DLEC1: variants seen among roughly 807,000 people sequenced by gnomAD.
DLEC1 encodes deleted in lung and esophageal cancer protein 1.
DLEC1 carries 146 observed loss-of-function variants against 198.1 expected under a neutral mutation model. The observed-to-expected ratio is 0.74, with a 90% CI of 0.64 to 0.85. DLEC1 has a LOEUF of 0.85. DLEC1 is among the 40% of genes least tolerant of loss of function. The pLI is 0.00. For missense variants in DLEC1, 2,233 were observed against 2,220.0 expected (o/e 1.01, Z -0.12); for synonymous variants, 897 against 866.8 (o/e 1.03, Z -0.61).
At chr3:38,057,670 G>A (rs968718567) in intron 2 of DLEC1, among the ~76,000 whole-genome samples, 2 of 152,138 alleles carry the variant, frequency 1.3e-5, no homozygotes, top group Non-Finnish European at 2.9e-5. Flanking sequence ...AAATATAAAC[G>A]TGCATGGGGA....
intron 6 of DLEC1, among the ~76,000 whole-genome samples, chr3:38,076,926 A>T: frequency 6.6e-6 from 1 of 152,136 alleles, no homozygotes; most frequent in Non-Finnish European, 1.5e-5. Flanking sequence ...ATTCTGTGGT[A>T]AGGGGTGATA....
chr3:38,100,446 G>A (rs1699248738), intron 19 of DLEC1, 21 bp downstream of exon 19: 1 of 1,600,644 alleles, frequency 6.2e-7, no homozygotes, highest in Admixed American at 1.8e-5. Context: ...CGTGGGAAGA[G>A]CCACTACAAC....
chr3:38,112,468 A>C lies in DLEC1; in HGVS notation c.3666+107A>C. On this transcript the variant is annotated intron_variant, in intron 25 of 36. Coordinates refer to ENST00000308059, the MANE Select transcript of DLEC1 (RefSeq NM_007335.4). This position sits in a 1 kb window ranked among gnomAD's most constrained non-coding sequence, Gnocchi z 4.8. ...CCTGGCCCTCAGACTCTCAAACCTC[A>C]CCAGGTTGAAACGCGATGCCCACCG... The C allele has an allele frequency of 1.1e-4, 167 of 1,508,420 alleles. No homozygotes were observed. Among genetic ancestry groups the C allele is most frequent in the Non-Finnish European group, 1.4e-4 (158 of 1,106,964 alleles). 93.4% of individuals were successfully genotyped at this position (1,508,420 alleles called of 1,614,324 possible). A position where few individuals can be genotyped will look rare whatever the true frequency, so the allele number is the denominator to read the frequency against.
chr3:38,097,046 G>A, intron 15 of DLEC1, 136 bp from the exon 16 acceptor site: 1 of 913,672 alleles, frequency 1.1e-6, no homozygotes, highest in Non-Finnish European at 1.7e-6. Flanking sequence ...GAGGCCCATG[G>A]CTTTGGGTGG....
chr3:38,122,176 A>G lies in DLEC1; in HGVS notation c.5126A>G (p.Gln1709Arg). The G allele has an allele frequency of 1.9e-6, 3 of 1,614,082 alleles. No individual in the cohort carries two copies. Among genetic ancestry groups the G allele is most frequent in the Non-Finnish European group, 2.5e-6 (3 of 1,179,974 alleles). The change falls in exon 36 of 37, where the codon CAG (glutamine) becomes CGG (arginine). Residue 1709 changes from glutamine (Q) to arginine (R), a missense_variant. By Grantham distance (43) the Gln-to-Arg change is conservative. Transcript: ENST00000308059. ...ANAPPTSIAL[Q>R]VFFTARSSEL... ...GCACCCCCAACCTCCATCGCCTTGC[A>G]GGTTTTCTTCACTGCCAGGTGCAGC...
chr3:38,084,395 A>AGTGGTGGTGGTG (rs1698262022), intron 7 of DLEC1, 150 bp downstream of exon 7: 1 of 648,786 alleles, frequency 1.5e-6, no homozygotes. Flanking sequence ...TAGTGGTAGT[A>AGTGGTGGTGGTG]GTAGTAGTGG....
chr3:38,114,512 C>T (rs750804337), intron 26 of DLEC1, 52 bp downstream of exon 26: 1 of 1,580,480 alleles, frequency 6.3e-7, no homozygotes, highest in East Asian at 2.2e-5. Context: ...CTGAAACCCT[C>T]CGGCCTCCGG....
chr3:38,114,834 G>C (rs2073712), intron 26 of DLEC1, 149 bp from the exon 27 acceptor site: 1 of 694,534 alleles, frequency 1.4e-6, no homozygotes, highest in Admixed American at 2.9e-5. Flanking sequence ...GCCTGGGGAA[G>C]GCACCAGCCC....
chr3:38,094,407 G>A (rs1179518597), intron 12 of DLEC1, among the ~76,000 whole-genome samples: 3 of 152,156 alleles, frequency 2.0e-5, no homozygotes, highest in Non-Finnish European at 4.4e-5. Flanking sequence ...CCTGTTGGCA[G>A]CCAGTAGGCA....
chr3:38,119,572 C>CTG (rs1332905657), intron 33 of DLEC1, among the ~76,000 whole-genome samples: 1 of 151,602 alleles, frequency 6.6e-6, no homozygotes, highest in South Asian at 2.1e-4. Context: ...TTGGGTCTTG[C>CTG]TGTGTCACCT....
intron 3 of DLEC1, 65 bp downstream of exon 3, chr3:38,059,917 G>A: frequency 7.5e-7 from 1 of 1,327,674 alleles, no homozygotes; most frequent in South Asian, 1.3e-5. Flanking sequence ...GGCCACGTTG[G>A]CCACCTCTGC....
At position 38,095,910 on chromosome 3, in the gene DLEC1, T is replaced by C; in HGVS notation, c.2135T>C (p.Leu712Pro). ...PHELRDFHSV[L>P]QMVLEEVPEP... ...CAGCTGAGGGATTTTCACAGTGTGC[T>C]CCAGATGGTGCTAGAGGAAGTCCCA... The change falls in exon 14 of 37, where the codon CTC becomes CCC. Residue 712 changes from leucine (L) to proline (P), a missense_variant. Coordinates refer to ENST00000308059, the MANE Select transcript of DLEC1 (RefSeq NM_007335.4). 6.2e-7 allele frequency: 1 copy of C among 1,613,854 alleles called. No individual in the cohort carries two copies. Among genetic ancestry groups the C allele is most frequent in the Non-Finnish European group, 8.5e-7 (1 of 1,180,018 alleles).
intron 7 of DLEC1, among the ~76,000 whole-genome samples, chr3:38,084,965 G>A (rs972282429): frequency 5.3e-5 from 8 of 152,118 alleles, no homozygotes; most frequent in Admixed American, 3.3e-4. Flanking sequence ...ATGTCACCCC[G>A]TTCAGAAATC....
chr3:38,108,890 C>A (rs976777575), intron 21 of DLEC1, among the ~76,000 whole-genome samples: 1 of 152,218 alleles, frequency 6.6e-6, no homozygotes, highest in African/African-American at 2.4e-5. Flanking sequence ...CCCAGGGAGG[C>A]TAACTGGTAC....
At chr3:38,107,814 C>T (rs1323506121) in intron 20 of DLEC1, 77 bp downstream of exon 20, 2 of 1,502,614 alleles carry the variant, frequency 1.3e-6, no homozygotes, top group African/African-American at 1.4e-5. Context: ...GGCATTGTCC[C>T]CCAAATATCC....
intron 2 of DLEC1, among the ~76,000 whole-genome samples, chr3:38,049,759 C>A (rs1471731863): frequency 6.6e-6 from 1 of 152,236 alleles, no homozygotes; most frequent in Non-Finnish European, 1.5e-5. Flanking sequence ...GGATACATCT[C>A]TTGTCACATG....
intron 1 of DLEC1, among the ~76,000 whole-genome samples, chr3:38,044,039 T>C (rs953264408): frequency 6.6e-6 from 1 of 151,684 alleles, no homozygotes; most frequent in Non-Finnish European, 1.5e-5. Context: ...GAGGCTGAGA[T>C]GAGAGGATTA....
intron 33 of DLEC1, among the ~76,000 whole-genome samples, chr3:38,118,848 A>G (rs2125748924): frequency 6.6e-6 from 1 of 152,034 alleles, no homozygotes; most frequent in East Asian, 1.9e-4. Context: ...GAACAGCCAT[A>G]TTATTTCTAT....
chr3:38,106,404 T>C (rs1458339318), intron 19 of DLEC1, among the ~76,000 whole-genome samples: 2 of 152,148 alleles, frequency 1.3e-5, no homozygotes, highest in African/African-American at 2.4e-5. Context: ...GGGGACAAGA[T>C]GAAGATGTTA....
Sources: gnomAD v4.1 joint callset for allele counts (sites outside exome capture counted in the v4.1 genomes callset) on GRCh38, gnomAD v4.1.1 for gene constraint, Gnocchi (gnomAD v3.1) non-coding constraint, MANE v1.5 for transcripts, NCBI Gene and HGNC (gene_info 2026-07-23, HGNC 2026-07-21) for gene names.